SCHIP1: variants seen among roughly 807,000 people sequenced by gnomAD.
The protein encoded by SCHIP1 is schwannomin interacting protein 1.
A neutral mutation model predicts 29.7 loss-of-function variants in SCHIP1; 8 were observed. The observed-to-expected ratio is 0.27, with a 90% CI of 0.16 to 0.49. The LOEUF (loss-of-function observed/expected upper bound fraction) is 0.49, where lower values mean the gene tolerates loss of function less well. SCHIP1 is among the 20% of genes least tolerant of loss of function. The pLI is 0.99. For missense variants in SCHIP1, 193 were observed against 294.6 expected, an observed-to-expected ratio of 0.66 and a Z score of 2.52; for synonymous variants, 76 against 94.9, an observed-to-expected ratio of 0.80 and a Z score of 1.16.
At chr3:159,524,204 T>A in the SCHIP1 span, among the ~76,000 whole-genome samples, 1 of 152,244 alleles carries the variant, frequency 6.6e-6, no homozygotes, top group South Asian at 2.1e-4. Context: ...TGGGTTGGCA[T>A]GTACTTGTCC....
the SCHIP1 span, among the ~76,000 whole-genome samples, chr3:159,546,659 G>C: frequency 3.3e-5 from 5 of 152,166 alleles, no homozygotes; most frequent in African/African-American, 1.2e-4. Flanking sequence ...ACTTATGAGT[G>C]AGAACATGTG....
At chr3:159,321,412 A>G in the SCHIP1 span, among the ~76,000 whole-genome samples, 3 of 152,202 alleles carry the variant, frequency 2.0e-5, no homozygotes, top group African/African-American at 7.2e-5. Context: ...AATACTTCTG[A>G]TATTCCAGAG....
At chr3:159,807,809 A>C in the SCHIP1 span, among the ~76,000 whole-genome samples, 1 of 152,234 alleles carries the variant, frequency 6.6e-6, no homozygotes, top group Admixed American at 6.5e-5. Context: ...AAGCAAACAC[A>C]CAGGCAAGTG....
At chr3:159,756,339 T>C in the SCHIP1 span, among the ~76,000 whole-genome samples, 1 of 152,232 alleles carries the variant, frequency 6.6e-6, no homozygotes, top group Non-Finnish European at 1.5e-5. Context: ...CTGCCAAGGC[T>C]TGGGGCTTGC....
chr3:159,714,500 G>A, the SCHIP1 span, among the ~76,000 whole-genome samples: 1 of 152,206 alleles, frequency 6.6e-6, no homozygotes, highest in African/African-American at 2.4e-5. Flanking sequence ...CGTAGCTAAG[G>A]GAAGCCATGA....
At chr3:159,541,174 T>C in the SCHIP1 span, among the ~76,000 whole-genome samples, 1 of 152,096 alleles carries the variant, frequency 6.6e-6, no homozygotes, top group Non-Finnish European at 1.5e-5. Flanking sequence ...GATGGGCACA[T>C]AGATTGCCCT....
chr3:159,613,597 T>C, the SCHIP1 span, among the ~76,000 whole-genome samples: 1 of 152,222 alleles, frequency 6.6e-6, no homozygotes, highest in Non-Finnish European at 1.5e-5. Context: ...GAACTTAAGA[T>C]GCATCCTGAC....
chr3:159,407,915 C>T, the SCHIP1 span, among the ~76,000 whole-genome samples: 1 of 152,064 alleles, frequency 6.6e-6, no homozygotes, highest in African/African-American at 2.4e-5. Flanking sequence ...CTTTGAGTGC[C>T]TACATCAAAG....
chr3:159,460,408 A>G, the SCHIP1 span, among the ~76,000 whole-genome samples: 1 of 152,218 alleles, frequency 6.6e-6, no homozygotes, highest in Admixed American at 6.5e-5. Context: ...GAAAGTGATC[A>G]AATAAATCTA....
At chr3:159,380,873 C>G in the SCHIP1 span, among the ~76,000 whole-genome samples, 1 of 152,150 alleles carries the variant, frequency 6.6e-6, no homozygotes, top group Non-Finnish European at 1.5e-5. Context: ...TACTGCATCT[C>G]TTTCTCAAGC....
chr3:159,591,655 A>G, the SCHIP1 span, among the ~76,000 whole-genome samples: 2 of 152,076 alleles, frequency 1.3e-5, no homozygotes, highest in African/African-American at 4.8e-5. Flanking sequence ...ATTCTCAGCA[A>G]ACTAGCACAG....
At chr3:159,375,019 G>A in the SCHIP1 span, among the ~76,000 whole-genome samples, 1 of 152,130 alleles carries the variant, frequency 6.6e-6, no homozygotes, top group Non-Finnish European at 1.5e-5. Context: ...TATTTTAGAT[G>A]TATTGGGTCA....
chr3:159,435,447 A>T, the SCHIP1 span, among the ~76,000 whole-genome samples: 1 of 152,116 alleles, frequency 6.6e-6, no homozygotes, highest in Non-Finnish European at 1.5e-5. Flanking sequence ...CTCATATGGA[A>T]TCCTGGAATC....
At chr3:159,879,972 A>G (rs905074475) in intron 2 of SCHIP1, among the ~76,000 whole-genome samples, 3 of 152,200 alleles carry the variant, frequency 2.0e-5, no homozygotes, top group Non-Finnish European at 4.4e-5. Context: ...GTGAACATGT[A>G]CAGATGGAAG....
chr3:159,535,414 A>G, the SCHIP1 span, among the ~76,000 whole-genome samples: 1 of 152,136 alleles, frequency 6.6e-6, no homozygotes, highest in Non-Finnish European at 1.5e-5. Context: ...CCTAGCAGCA[A>G]TTCTGGCCCA....
the SCHIP1 span, among the ~76,000 whole-genome samples, chr3:159,573,434 G>A: frequency 6.6e-6 from 1 of 152,098 alleles, no homozygotes; most frequent in Admixed American, 6.6e-5. Flanking sequence ...TTGAATATTG[G>A]CCCCCACTCT....
At chr3:159,713,172 A>G in the SCHIP1 span, among the ~76,000 whole-genome samples, 2 of 150,162 alleles carry the variant, frequency 1.3e-5, no homozygotes, top group Admixed American at 1.3e-4. Flanking sequence ...AAAAGAAGAA[A>G]GAGAAAGAAA....
chr3:159,452,613 G>A, the SCHIP1 span, among the ~76,000 whole-genome samples: 3 of 152,048 alleles, frequency 2.0e-5, no homozygotes, highest in Admixed American at 2.0e-4. Flanking sequence ...ATAAATATAC[G>A]TGTGCATGTG....
the SCHIP1 span, among the ~76,000 whole-genome samples, chr3:159,413,467 G>A: frequency 7.4e-4 from 113 of 152,268 alleles, no homozygotes; most frequent in Non-Finnish European, 1.4e-3. Flanking sequence ...TCTCAGAGTT[G>A]AAGATTTCTA....
Sources: allele counts gnomAD v4.1 joint callset (sites outside exome capture counted in the v4.1 genomes callset), GRCh38; gene constraint gnomAD v4.1.1; transcripts MANE v1.5; gene names NCBI Gene and HGNC (gene_info 2026-07-23, HGNC 2026-07-21).